VAV2: variants seen among roughly 807,000 people sequenced by gnomAD.
VAV2 encodes vav guanine nucleotide exchange factor 2, also known as guanine nucleotide exchange factor VAV2.
VAV2 carries 67 observed loss-of-function variants against 132.5 expected under a neutral mutation model. The ratio of observed to expected loss-of-function variants is 0.51; its 90% CI spans 0.42 to 0.62. The LOEUF is 0.62. Ranked by LOEUF, VAV2 falls within the 20% of genes least tolerant of loss-of-function variation. VAV2 has a pLI of 0.00. For synonymous variants in VAV2, 492 were observed against 443.5 expected (o/e 1.11, Z -1.37); for missense variants, 938 against 1,153.6 (o/e 0.81, Z 2.71).
chr9:133,768,024 G>T lies in VAV2; in HGVS notation c.2589+418C>A, dbSNP rs184591520. On this transcript the variant is annotated intron_variant, in intron 29 of 29. Coordinates refer to ENST00000371850, the MANE Select transcript of VAV2 (RefSeq NM_001134398.2). The surrounding 1 kb of genome is among the most constrained non-coding windows in gnomAD (Gnocchi z 5.3). ...ACTGCCTCACCAGGGCATAGATAGG[G>T]CCTTAGAAAATGGCAGGAGGAGCCC... Among the ~76,000 whole-genome samples the T allele has an allele frequency of 3.9e-5, 6 of 152,264 alleles. No individual in the cohort carries two copies. Among genetic ancestry groups the T allele is most frequent in the Middle Eastern group, 3.4e-3 (1 of 294 alleles).
At chr9:133,920,696 C>T (rs1045390285) in intron 2 of VAV2, among the ~76,000 whole-genome samples, 4 of 152,100 alleles carry the variant, frequency 2.6e-5, no homozygotes, top group African/African-American at 4.8e-5. Context: ...CTCAGCTGCT[C>T]GGCTCAAGGC....
At chr9:133,895,290 T>C (rs1324687627) in intron 2 of VAV2, among the ~76,000 whole-genome samples, 1 of 150,964 alleles carries the variant, frequency 6.6e-6, no homozygotes, top group Admixed American at 6.6e-5. Context: ...GGGGGAGGCC[T>C]GGCGGGGCTG....
intron 9 of VAV2, among the ~76,000 whole-genome samples, chr9:133,800,440 T>C (rs1486972727): frequency 6.6e-6 from 1 of 152,168 alleles, no homozygotes; most frequent in East Asian, 1.9e-4. Context: ...CCTGCCCGCA[T>C]GGAGCCATGT....
At chr9:133,812,572 C>G (rs1042763715) in intron 4 of VAV2, among the ~76,000 whole-genome samples, 4 of 152,082 alleles carry the variant, frequency 2.6e-5, no homozygotes, top group African/African-American at 9.7e-5. Flanking sequence ...CCCACCCCTA[C>G]CTGACAGGAG....
rs983468584 is a variant in VAV2, at chr9:133,961,367, G to A, written c.205-22148C>T. On this transcript the variant is annotated intron_variant, in intron 1 of 29. Transcript: ENST00000371850. This position sits in a 1 kb window ranked among gnomAD's most constrained non-coding sequence, Gnocchi z 4.1. ...CACCATGGGCAGTGGAATGAGCAAC[G>A]TGCAGTTTTGCACCCAGAAACTGGT... is the stretch of plus-strand genomic sequence containing the variant. 2.6e-5 allele frequency among the ~76,000 whole-genome samples: 4 copies of A among 152,200 alleles called. No individual in the cohort carries two copies. The highest frequency in any genetic ancestry group is 7.2e-5 in the African/African-American group (3 of 41,454).
In VAV2 at chr9:133,769,612, AGG is replaced by A; in HGVS notation, c.2348-111_2348-110del. 1 of 1,184,554 alleles carries A rather than the reference AGG, an allele frequency of 8.4e-7. No individual in the cohort carries two copies. Among genetic ancestry groups the A allele is most frequent in the Non-Finnish European group, 1.2e-6 (1 of 841,286 alleles). The allele number at this position is 1,184,554 out of a possible 1,614,324, so 73.4% of individuals were successfully genotyped here. On this transcript the variant is annotated intron_variant, in intron 27 of 29. Transcript: ENST00000371850. The surrounding 1 kb of genome is among the most constrained non-coding windows in gnomAD (Gnocchi z 8.1). ...CATGGGGTGGGGCAGGCCCTTTGGC[AGG>A]AGAGGCCCTACAGGGGGGCAAAGGA...
chr9:133,881,724 T>C (rs192598895), intron 2 of VAV2, among the ~76,000 whole-genome samples: 84 of 152,328 alleles, frequency 5.5e-4, no homozygotes, highest in African/African-American at 1.9e-3. Flanking sequence ...AATGTATAAT[T>C]TAATATTCTA....
chr9:133,779,652 C>T (rs1313916416), intron 21 of VAV2, among the ~76,000 whole-genome samples: 1 of 152,256 alleles, frequency 6.6e-6, no homozygotes, highest in Non-Finnish European at 1.5e-5. Flanking sequence ...CGGTGGCCCT[C>T]CCTGGCTAGA....
intron 4 of VAV2, among the ~76,000 whole-genome samples, chr9:133,831,762 T>C (rs114081368): frequency 3.3e-5 from 5 of 152,198 alleles, no homozygotes; most frequent in East Asian, 1.9e-4. Flanking sequence ...TTAGGAGAAA[T>C]AGCAGGTCAG....
chr9:133,823,600 G>C lies in VAV2; in HGVS notation c.449+10672C>G, dbSNP rs1835875871. Among the ~76,000 whole-genome samples the C allele has an allele frequency of 6.6e-6, 1 of 152,184 alleles. No individual in the cohort carries two copies. The highest frequency in any genetic ancestry group is 1.5e-5 in the Non-Finnish European group (1 of 68,034). On this transcript the variant is annotated intron_variant, in intron 4 of 29. Coordinates refer to ENST00000371850, the MANE Select transcript of VAV2 (RefSeq NM_001134398.2). The surrounding 1 kb of genome is among the most constrained non-coding windows in gnomAD (Gnocchi z 5.5). ...GGAGTTCCAGAACAGCACGAGGAGG[G>C]CGATTTAGAGGGGGAGGGACCTTCA...
intron 7 of VAV2, among the ~76,000 whole-genome samples, chr9:133,808,534 A>G (rs1564367674): frequency 6.6e-6 from 1 of 152,336 alleles, no homozygotes; most frequent in East Asian, 1.9e-4. Flanking sequence ...GGCCAGCAGG[A>G]GAGAGGACTC....
At chr9:133,950,462 G>A (rs1416731005) in intron 1 of VAV2, among the ~76,000 whole-genome samples, 1 of 152,170 alleles carries the variant, frequency 6.6e-6, no homozygotes, top group Non-Finnish European at 1.5e-5. Context: ...CTCCCCTGAA[G>A]CCCTCCAAGG....
chr9:133,796,874 G>A (rs1379391464), intron 10 of VAV2, among the ~76,000 whole-genome samples: 1 of 152,220 alleles, frequency 6.6e-6, no homozygotes, highest in Non-Finnish European at 1.5e-5. Flanking sequence ...TTTGGAGAAG[G>A]GGCAGCAGGC....
chr9:133,803,881 C>A (rs956730456), intron 9 of VAV2, among the ~76,000 whole-genome samples: 5 of 152,136 alleles, frequency 3.3e-5, no homozygotes, highest in Admixed American at 6.5e-5. Context: ...CTACTGGGCT[C>A]ATGCCTCTCA....
In VAV2 at chr9:133,823,543, T is replaced by C. The variant is rs1305184667; in HGVS notation, c.449+10729A>G. 6.6e-6 allele frequency among the ~76,000 whole-genome samples: 1 copy of C among 152,052 alleles called. No homozygotes were observed. Among genetic ancestry groups the C allele is most frequent in the African/African-American group, 2.4e-5 (1 of 41,370 alleles). ...AGATCTACGCTGAATACAAGGGAAA[T>C]AACGTCAAAAGGGAGAAGTCTTCCT... On this transcript the variant is annotated intron_variant, in intron 4 of 29. Transcript: ENST00000371850. The surrounding 1 kb of genome is among the most constrained non-coding windows in gnomAD (Gnocchi z 5.5).
chr9:133,939,473 C>G (rs1342652426), intron 1 of VAV2, among the ~76,000 whole-genome samples: 1 of 152,114 alleles, frequency 6.6e-6, no homozygotes, highest in African/African-American at 2.4e-5. Context: ...GTGTAGCCAC[C>G]ACCGCCCCCA....
chr9:133,811,817 C>T (rs753324055), intron 5 of VAV2, among the ~76,000 whole-genome samples: 33 of 152,218 alleles, frequency 2.2e-4, no homozygotes, highest in Admixed American at 1.3e-3. Context: ...CATGGCAACA[C>T]GGGCGGGGGT....
At chr9:133,980,097 G>T (rs79783847) in intron 1 of VAV2, among the ~76,000 whole-genome samples, 1 of 152,192 alleles carries the variant, frequency 6.6e-6, no homozygotes, top group South Asian at 2.1e-4. Context: ...GCCCAGGACC[G>T]GAAGCCATGT....
At position 133,834,978 on chromosome 9, in the gene VAV2, C is replaced by A. The variant is rs944295149; in HGVS notation, c.381-638G>T. ...CCCCATGGGGTCTCCCCAGAAGGAA[C>A]GCGGCGGTGCTCCCCCACACTCCGC... On this transcript the variant is annotated intron_variant, in intron 3 of 29. Coordinates refer to ENST00000371850, the MANE Select transcript of VAV2 (RefSeq NM_001134398.2). The surrounding 1 kb of genome is among the most constrained non-coding windows in gnomAD (Gnocchi z 5.9). 5.9e-5 allele frequency among the ~76,000 whole-genome samples: 9 copies of A among 152,190 alleles called. No individual in the cohort carries two copies. The highest frequency in any genetic ancestry group is 1.9e-4 in the African/African-American group (8 of 41,450).
Sources: allele counts gnomAD v4.1 joint callset (sites outside exome capture counted in the v4.1 genomes callset), GRCh38; gene constraint gnomAD v4.1.1; non-coding constraint Gnocchi (gnomAD v3.1); transcripts MANE v1.5; gene names NCBI Gene and HGNC (gene_info 2026-07-23, HGNC 2026-07-21).